RASGEF1C: variants seen among roughly 807,000 people sequenced by gnomAD.
The protein encoded by RASGEF1C is ras-GEF domain-containing family member 1C.
Under a neutral mutation model 58.1 loss-of-function variants are expected in RASGEF1C, and 27 were observed. The observed-to-expected ratio is 0.46, with a 90% CI of 0.34 to 0.64. The LOEUF (loss-of-function observed/expected upper bound fraction) is 0.64, where lower values mean the gene tolerates loss of function less well. RASGEF1C is among the 30% of genes least tolerant of loss of function. The pLI is 0.01. For missense variants in RASGEF1C, 502 were observed against 605.1 expected (o/e 0.83, Z 1.79); for synonymous variants, 243 against 246.3 (o/e 0.99, Z 0.13).
chr5:180,129,664 C>G (rs1766329577), intron 4 of RASGEF1C, among the ~76,000 whole-genome samples: 1 of 152,228 alleles, frequency 6.6e-6, no homozygotes, highest in South Asian at 2.1e-4. Context: ...CGACTGCCAC[C>G]CTTCGTTATT....
intron 12 of RASGEF1C, among the ~76,000 whole-genome samples, chr5:180,108,896 G>T (rs1232938636): frequency 6.6e-6 from 1 of 152,148 alleles, no homozygotes; most frequent in Non-Finnish European, 1.5e-5. Flanking sequence ...AGGGACAGAA[G>T]GAAGAGACAG....
At chr5:180,166,601 C>T (rs555646711) in intron 1 of RASGEF1C, among the ~76,000 whole-genome samples, 48 of 152,050 alleles carry the variant, frequency 3.2e-4, no homozygotes, top group African/African-American at 1.2e-3. Context: ...CTGCAACCTC[C>T]ACCTCCTGGA....
intron 4 of RASGEF1C, among the ~76,000 whole-genome samples, chr5:180,132,011 C>T (rs1477201437): frequency 5.9e-5 from 9 of 152,204 alleles, no homozygotes; most frequent in African/African-American, 2.2e-4. Context: ...CTCATTTTCT[C>T]ACTGATTTCT....
rs147716066 is a variant in RASGEF1C, at chr5:180,174,285, G to C, written c.-7+34743C>G. Among the ~76,000 whole-genome samples the C allele has an allele frequency of 3.8e-3, 578 of 152,276 alleles. 4 individuals carry two copies. The highest frequency in any genetic ancestry group is 0.013 in the African/African-American group (540 of 41,548). On this transcript the variant is annotated intron_variant, in intron 1 of 13. Transcript: ENST00000361132. ...TCATCGTCTTTTCTGGGAAGAACGAGGGAAGATGAAGTCATCAGTTTATGA... is the reference window on the plus strand; with the variant it reads ...TCATCGTCTTTTCTGGGAAGAACGACGGAAGATGAAGTCATCAGTTTATGA...
rs543789946 is a variant in RASGEF1C at position 180,116,015 on chromosome 5, G to A, written c.1084-1474C>T. ...GGGGGTTTAAGGAATGTGGGACTCC[G>A]CACACAGAGGAGGCTCCTCTGGGGC... On this transcript the variant is annotated intron_variant, in intron 10 of 13. Coordinates refer to ENST00000361132, the MANE Select transcript of RASGEF1C (RefSeq NM_175062.4). Among the ~76,000 whole-genome samples the A allele has an allele frequency of 5.9e-5, 9 of 152,088 alleles. No homozygotes were observed. The East Asian group carries it at 7.7e-4, about 13-fold the overall frequency.
At chr5:180,153,770 T>C (rs1164051852) in intron 1 of RASGEF1C, among the ~76,000 whole-genome samples, 1 of 152,064 alleles carries the variant, frequency 6.6e-6, no homozygotes, top group African/African-American at 2.4e-5. Context: ...ATTTTCTCCC[T>C]TTTCTTGTCA....
chr5:180,118,644 G>C lies in RASGEF1C; in HGVS notation c.1048C>G (p.His350Asp). The C allele has an allele frequency of 1.2e-6, 2 of 1,613,740 alleles. No individual in the cohort carries two copies. Among genetic ancestry groups the C allele is most frequent in the Non-Finnish European group, 1.7e-6 (2 of 1,179,800 alleles). ...CTGCTGTGGGCCGTCAGGGAGCGGTGGGCCGCCCCGCGCAGGGCTGTCCTG... is the reference window on the plus strand; with the variant it reads ...CTGCTGTGGGCCGTCAGGGAGCGGTCGGCCGCCCCGCGCAGGGCTGTCCTG... The part of the protein sequence containing the change: ...NYRTALRGAA[H>D]RSLTAHSSRE... Residue 350 changes from histidine (H) to aspartate (D), a missense_variant, in exon 10 of 14, where the codon CAC becomes GAC. Physicochemically the swap from His to Asp is moderately conservative, Grantham distance 81. Coordinates refer to ENST00000361132, the MANE Select transcript of RASGEF1C (RefSeq NM_175062.4).
intron 1 of RASGEF1C, among the ~76,000 whole-genome samples, chr5:180,174,395 T>C (rs1196135173): frequency 2.0e-5 from 3 of 151,540 alleles, no homozygotes; most frequent in Non-Finnish European, 4.4e-5. Context: ...GAGATGCATG[T>C]GTGTGCGTCT....
At chr5:180,191,741 A>C (rs1383812205) in intron 1 of RASGEF1C, among the ~76,000 whole-genome samples, 1 of 152,244 alleles carries the variant, frequency 6.6e-6, no homozygotes, top group Non-Finnish European at 1.5e-5. Context: ...TTAGTTTCTT[A>C]CTGCCGTGTA....
intron 6 of RASGEF1C, among the ~76,000 whole-genome samples, chr5:180,125,917 C>A (rs1401521713): frequency 6.6e-6 from 1 of 152,082 alleles, no homozygotes; most frequent in Non-Finnish European, 1.5e-5. Context: ...AGAACGGACA[C>A]CCTACAGAAA....
At chr5:180,153,898 T>C (rs901449275) in intron 1 of RASGEF1C, among the ~76,000 whole-genome samples, 1 of 152,216 alleles carries the variant, frequency 6.6e-6, no homozygotes, top group Admixed American at 6.5e-5. Context: ...AAAGCCCCTC[T>C]GGGGTGATGT....
chr5:180,109,324 G>A (rs922615821), intron 12 of RASGEF1C, among the ~76,000 whole-genome samples: 2 of 152,156 alleles, frequency 1.3e-5, no homozygotes, highest in Admixed American at 6.5e-5. Context: ...CGGGCGTGGT[G>A]GTGGGTGCCT....
intron 1 of RASGEF1C, among the ~76,000 whole-genome samples, chr5:180,170,059 A>C (rs62406106): frequency 1.3e-5 from 2 of 152,008 alleles, no homozygotes; most frequent in Non-Finnish European, 2.9e-5. Context: ...ATCCAAATCC[A>C]TGTGTCTCCC....
At chr5:180,208,547 C>G (rs1010608731) in intron 1 of RASGEF1C, among the ~76,000 whole-genome samples, 10 of 152,180 alleles carry the variant, frequency 6.6e-5, no homozygotes, top group Non-Finnish European at 1.5e-4. Context: ...TGGCGCTGGT[C>G]CTTTCCTCAA....
chr5:180,108,426 C>T (rs1765904245), intron 12 of RASGEF1C, among the ~76,000 whole-genome samples: 1 of 152,104 alleles, frequency 6.6e-6, no homozygotes, highest in African/African-American at 2.4e-5. Flanking sequence ...TGGTCTCGAT[C>T]TCCTGACCTC....
intron 7 of RASGEF1C, 149 bp downstream of exon 7, chr5:180,120,911 T>C (rs1766158097): frequency 1.7e-6 from 1 of 604,494 alleles, no homozygotes; most frequent in Admixed American, 2.7e-5. Context: ...TGGTGTCACC[T>C]GGAGTCCTGG....
chr5:180,101,663 T>G (rs1449257083), intron 13 of RASGEF1C, 138 bp from the exon 14 acceptor site: 7 of 1,078,194 alleles, frequency 6.5e-6, no homozygotes, highest in South Asian at 1.4e-5. Context: ...TGCAAATCCC[T>G]GGGGCTCAGC....
chr5:180,119,312 C>T (rs1766127265), intron 8 of RASGEF1C, 34 bp downstream of exon 8: 1 of 1,551,700 alleles, frequency 6.4e-7, no homozygotes, highest in Non-Finnish European at 8.9e-7. Context: ...GGGACCCGTG[C>T]ACTGGGGGCC....
intron 3 of RASGEF1C, 64 bp from the exon 4 acceptor site, chr5:180,136,579 C>T (rs955994275): frequency 1.1e-5 from 17 of 1,503,628 alleles, no homozygotes; most frequent in Middle Eastern, 2.0e-4. Flanking sequence ...AGCCTCACTG[C>T]GCGTCCTTGC....
Sources: gnomAD v4.1 joint callset for allele counts (sites outside exome capture counted in the v4.1 genomes callset) on GRCh38, gnomAD v4.1.1 for gene constraint, MANE v1.5 for transcripts, NCBI Gene and HGNC (gene_info 2026-07-23, HGNC 2026-07-21) for gene names.